The following GLI2 variants were observed in gnomAD, a reference collection of about 807,000 sequenced individuals.
The protein encoded by GLI2 is transcription activator GLI2.
A neutral mutation model predicts 78.9 loss-of-function variants in GLI2; 22 were observed. That is an observed-to-expected ratio of 0.28 (90% CI 0.20 to 0.40). The LOEUF (loss-of-function observed/expected upper bound fraction) is 0.40, where lower values mean the gene tolerates loss of function less well. Ranked by LOEUF, GLI2 falls within the 10% of genes least tolerant of loss-of-function variation. The pLI is 1.00. For synonymous variants in GLI2, 974 were observed against 963.7 expected (o/e 1.01, Z -0.20); for missense variants, 2,097 against 2,213.2 (o/e 0.95, Z 1.05).
chr2:120,934,590 A>G (rs569176742), intron 3 of GLI2, among the ~76,000 whole-genome samples: 6 of 152,298 alleles, frequency 3.9e-5, no homozygotes, highest in African/African-American at 1.2e-4. Flanking sequence ...ACCCAGGCCC[A>G]GGTATGTTAG....
intron 2 of GLI2, among the ~76,000 whole-genome samples, chr2:120,881,558 G>A (rs1677128129): frequency 8.1e-6 from 1 of 123,178 alleles, no homozygotes. Flanking sequence ...AGACAGTGGT[G>A]GGGAGGACAG....
At chr2:120,921,461 G>A (rs533541945) in intron 2 of GLI2, among the ~76,000 whole-genome samples, 1 of 152,134 alleles carries the variant, frequency 6.6e-6, no homozygotes, top group Non-Finnish European at 1.5e-5. Context: ...AAGCCTTGGG[G>A]TGTCACTGGC....
intron 6 of GLI2, among the ~76,000 whole-genome samples, chr2:120,970,190 G>C (rs116913324): frequency 6.6e-6 from 1 of 152,278 alleles, no homozygotes; most frequent in East Asian, 1.9e-4. Context: ...TCCTGGGGCA[G>C]AACCTGGGAG....
chr2:120,823,848 G>A (rs1685903798), intron 2 of GLI2, among the ~76,000 whole-genome samples: 1 of 152,214 alleles, frequency 6.6e-6, no homozygotes, highest in Non-Finnish European at 1.5e-5. Flanking sequence ...TGCAGGCCAA[G>A]GGAGGGGTTT....
intron 1 of GLI2, among the ~76,000 whole-genome samples, 182 bp downstream of exon 1, chr2:120,736,467 C>T (rs902477907): frequency 1.3e-5 from 2 of 151,950 alleles, no homozygotes; most frequent in South Asian, 2.1e-4. Flanking sequence ...GGCGCGACCC[C>T]GCCTGGGGCT....
chr2:120,776,576 GA>G (rs1683683104), intron 1 of GLI2, among the ~76,000 whole-genome samples: 1 of 152,200 alleles, frequency 6.6e-6, no homozygotes, highest in African/African-American at 2.4e-5. Context: ...GCATCACAGT[GA>G]GCCTTGGGTG....
chr2:120,808,140 G>A (rs1348936581), intron 2 of GLI2, among the ~76,000 whole-genome samples: 2 of 152,196 alleles, frequency 1.3e-5, no homozygotes, highest in African/African-American at 2.4e-5. Context: ...ATATTTGAGA[G>A]GAAGTTTGGG....
chr2:120,763,440 G>A (rs1003128564), intron 1 of GLI2, among the ~76,000 whole-genome samples: 2 of 152,232 alleles, frequency 1.3e-5, no homozygotes, highest in African/African-American at 4.8e-5. Context: ...TGGGGAAGTG[G>A]GGATAAAGGG....
intron 1 of GLI2, among the ~76,000 whole-genome samples, chr2:120,771,295 T>A (rs1573362013): frequency 6.6e-6 from 1 of 152,342 alleles, no homozygotes; most frequent in Non-Finnish European, 1.5e-5. Context: ...AGCACTCTTC[T>A]GGGCCCAAGG....
intron 10 of GLI2, among the ~76,000 whole-genome samples, chr2:120,978,832 G>C (rs894287500): frequency 2.2e-4 from 33 of 152,196 alleles, no homozygotes; most frequent in African/African-American, 7.5e-4. Flanking sequence ...TGGCAAAAAT[G>C]TGTGGGTGTG....
chr2:120,796,974 G>A (rs1684425964), intron 1 of GLI2, among the ~76,000 whole-genome samples: 1 of 152,104 alleles, frequency 6.6e-6, no homozygotes. Flanking sequence ...CACAGACAGA[G>A]GTCATTGTTT....
intron 3 of GLI2, among the ~76,000 whole-genome samples, chr2:120,933,997 G>A (rs756941329): frequency 6.6e-5 from 10 of 152,340 alleles, no homozygotes; most frequent in Non-Finnish European, 1.3e-4. Context: ...AACACACAGG[G>A]TGGGTCTTAA....
chr2:120,837,733 G>A (rs1359124587), intron 2 of GLI2, among the ~76,000 whole-genome samples: 1 of 152,182 alleles, frequency 6.6e-6, no homozygotes, highest in East Asian at 1.9e-4. Flanking sequence ...AATCGTCTCA[G>A]TAGCAATTAT....
intron 2 of GLI2, among the ~76,000 whole-genome samples, chr2:120,923,645 G>A (rs956498755): frequency 7.3e-5 from 11 of 151,566 alleles, no homozygotes; most frequent in Non-Finnish European, 1.5e-4. Context: ...ACACAGCAAC[G>A]CACATACACA....
At chr2:120,842,767 T>C (rs966865032) in intron 2 of GLI2, among the ~76,000 whole-genome samples, 1 of 152,260 alleles carries the variant, frequency 6.6e-6, no homozygotes, top group African/African-American at 2.4e-5. Context: ...AGTTTCTGAA[T>C]GAGTGAATGA....
intron 1 of GLI2, among the ~76,000 whole-genome samples, chr2:120,752,972 G>T (rs2104634704): frequency 6.6e-6 from 1 of 152,046 alleles, no homozygotes. Flanking sequence ...TATAAACAAG[G>T]TTGCATTGAA....
intron 1 of GLI2, among the ~76,000 whole-genome samples, chr2:120,769,718 T>C (rs1464815952): frequency 6.6e-6 from 1 of 152,220 alleles, no homozygotes; most frequent in East Asian, 1.9e-4. Context: ...GGTGTGTCTG[T>C]GACTGCTTCT....
At chr2:120,927,171 A>G (rs1200308613) in intron 2 of GLI2, among the ~76,000 whole-genome samples, 190 bp from the exon 3 acceptor site, 1 of 152,250 alleles carries the variant, frequency 6.6e-6, no homozygotes, top group African/African-American at 2.4e-5. Flanking sequence ...TGAAAGATGT[A>G]GAATTCTCGG....
intron 1 of GLI2, among the ~76,000 whole-genome samples, chr2:120,767,110 A>C (rs1039374574): frequency 3.9e-5 from 6 of 152,350 alleles, no homozygotes; most frequent in Middle Eastern, 6.8e-3. Context: ...AGCAGGCTCT[A>C]ACCGACCTCT....
Sources: gnomAD v4.1 joint callset for allele counts (sites outside exome capture counted in the v4.1 genomes callset) on GRCh38, gnomAD v4.1.1 for gene constraint, MANE v1.5 for transcripts, NCBI Gene and HGNC (gene_info 2026-07-23, HGNC 2026-07-21) for gene names.